Variants in RANBP2 observed in about 807,000 individuals in gnomAD.
The protein encoded by RANBP2 is E3 SUMO-protein ligase RanBP2.
RANBP2 carries 57 observed loss-of-function variants against 303.6 expected under a neutral mutation model. The observed-to-expected ratio is 0.19, with a 90% CI of 0.15 to 0.23. The LOEUF (loss-of-function observed/expected upper bound fraction) is 0.23. RANBP2 is among the 10% of genes least tolerant of loss of function. The pLI, the probability that RANBP2 is intolerant of heterozygous loss-of-function variation, is 1.00. For missense variants in RANBP2, 3,138 were observed against 3,780.8 expected, an observed-to-expected ratio of 0.83 and a Z score of 4.46; for synonymous variants, 1,167 against 1,301.5, an observed-to-expected ratio of 0.90 and a Z score of 2.23.
chr2:109,710,004 T>G, the RANBP2 span, among the ~76,000 whole-genome samples: 2 of 151,742 alleles, frequency 1.3e-5, no homozygotes, highest in Non-Finnish European at 2.9e-5. Context: ...GGAGAATTGC[T>G]TGAACCTGGG....
chr2:109,504,525 G>A, the RANBP2 span: 10 of 152,246 alleles, frequency 6.6e-5, no homozygotes, highest in Non-Finnish European at 1.3e-4. Context: ...CCTATCCCAA[G>A]TGTTTTTGTT....
At chr2:108,839,381 T>G in the RANBP2 span, 1 of 1,182,084 alleles carries the variant, frequency 8.5e-7, no homozygotes, top group Non-Finnish European at 1.2e-6. Flanking sequence ...AATATCTGTT[T>G]TGAATATATT....
chr2:109,244,383 T>A, the RANBP2 span, among the ~76,000 whole-genome samples: 1 of 152,204 alleles, frequency 6.6e-6, no homozygotes, highest in African/African-American at 2.4e-5. Flanking sequence ...CAGGTGGTAT[T>A]ATGAAAGTAA....
chr2:108,832,087 T>C, the RANBP2 span, among the ~76,000 whole-genome samples: 1 of 151,726 alleles, frequency 6.6e-6, no homozygotes, highest in Non-Finnish European at 1.5e-5. Flanking sequence ...TGGAGTGCAG[T>C]GCTGCCATCT....
chr2:109,597,115 T>C, the RANBP2 span, among the ~76,000 whole-genome samples: 3 of 151,932 alleles, frequency 2.0e-5, no homozygotes, highest in Non-Finnish European at 4.4e-5. Context: ...ACTTGGCTAA[T>C]TTTTTTGTAG....
the RANBP2 span, among the ~76,000 whole-genome samples, chr2:109,541,416 G>A: frequency 6.6e-6 from 1 of 152,056 alleles, no homozygotes; most frequent in Non-Finnish European, 1.5e-5. Context: ...CACTCCTTAG[G>A]TGAGTCTATT....
the RANBP2 span, among the ~76,000 whole-genome samples, chr2:109,512,836 C>G: frequency 1.3e-5 from 2 of 152,222 alleles, no homozygotes; most frequent in Non-Finnish European, 2.9e-5. Context: ...TCCTCACCCC[C>G]TCCTGGGCCA....
At chr2:109,703,562 G>GAGGATTACAGGCCTGA in the RANBP2 span, among the ~76,000 whole-genome samples, 4 of 152,160 alleles carry the variant, frequency 2.6e-5, no homozygotes, top group Admixed American at 2.0e-4. Flanking sequence ...CTGAGTAGCT[G>GAGGATTACAGGCCTGA]GGATTACAGG....
chr2:109,290,459 G>A, the RANBP2 span, among the ~76,000 whole-genome samples: 11 of 152,146 alleles, frequency 7.2e-5, no homozygotes, highest in African/African-American at 1.7e-4. Flanking sequence ...TTCATTACCC[G>A]GAATCCTCAT....
At chr2:108,774,290 G>T (rs1286960207) in intron 23 of RANBP2, among the ~76,000 whole-genome samples, 2 of 152,104 alleles carry the variant, frequency 1.3e-5, no homozygotes, top group Admixed American at 6.5e-5. Flanking sequence ...TACTGTCTTT[G>T]GTTTCCATGT....
chr2:109,605,884 G>A, the RANBP2 span, among the ~76,000 whole-genome samples: 2 of 152,182 alleles, frequency 1.3e-5, no homozygotes, highest in Non-Finnish European at 2.9e-5. Flanking sequence ...AGAAGAGTTA[G>A]CATGACATCA....
chr2:109,630,928 T>A, the RANBP2 span, among the ~76,000 whole-genome samples: 1 of 152,040 alleles, frequency 6.6e-6, no homozygotes, highest in African/African-American at 2.4e-5. Flanking sequence ...TAACTGGGCG[T>A]GGTGGCAGGC....
the RANBP2 span, among the ~76,000 whole-genome samples, chr2:109,392,273 C>T: frequency 0.02 from 3,041 of 152,216 alleles, 44 homozygotes; most frequent in Non-Finnish European, 0.03. Flanking sequence ...TCTGCAGTGA[C>T]GAGGGGATGG....
chr2:108,942,106 A>AGGTGT, the RANBP2 span, among the ~76,000 whole-genome samples: 1 of 152,238 alleles, frequency 6.6e-6, no homozygotes, highest in Non-Finnish European at 1.5e-5. Context: ...TGCTGGGGGC[A>AGGTGT]GAGGCCCCAT....
chr2:109,125,076 C>G, the RANBP2 span, among the ~76,000 whole-genome samples: 1 of 152,258 alleles, frequency 6.6e-6, no homozygotes, highest in Non-Finnish European at 1.5e-5. Context: ...AGGCTACAGT[C>G]CAGGCTCACC....
the RANBP2 span, chr2:109,544,459 C>T: frequency 7.2e-7 from 1 of 1,384,340 alleles, no homozygotes; most frequent in Non-Finnish European, 9.3e-7. Context: ...CCAAAAACAC[C>T]AAACCATATT....
chr2:109,741,299 A>G, the RANBP2 span, among the ~76,000 whole-genome samples: 1 of 152,026 alleles, frequency 6.6e-6, no homozygotes, highest in African/African-American at 2.4e-5. Context: ...AATAACAATA[A>G]AAGTCATGAT....
the RANBP2 span, among the ~76,000 whole-genome samples, chr2:109,293,587 C>G: frequency 1.3e-5 from 2 of 152,222 alleles, no homozygotes; most frequent in African/African-American, 2.4e-5. Flanking sequence ...CCATGCCAAC[C>G]TGGGAAGCCT....
the RANBP2 span, among the ~76,000 whole-genome samples, chr2:109,707,637 C>T: frequency 1.3e-5 from 2 of 152,200 alleles, no homozygotes; most frequent in Admixed American, 1.3e-4. Context: ...GAGAACAGGG[C>T]CCAGCAGGGA....
Sources: allele counts gnomAD v4.1 joint callset (sites outside exome capture counted in the v4.1 genomes callset), GRCh38; gene constraint gnomAD v4.1.1; transcripts MANE v1.5; gene names NCBI Gene and HGNC (gene_info 2026-07-23, HGNC 2026-07-21).